Variants in WDPCP observed in about 807,000 individuals in gnomAD.
WDPCP encodes WD repeat-containing and planar cell polarity effector protein fritz homolog.
A neutral mutation model predicts 93.1 loss-of-function variants in WDPCP; 71 were observed. The ratio of observed to expected loss-of-function variants is 0.76; its 90% CI spans 0.63 to 0.93. The LOEUF (loss-of-function observed/expected upper bound fraction) is 0.93. Among genes scored for constraint, WDPCP ranks in the 40% least tolerant of loss-of-function variants. WDPCP has a pLI of 0.00. For missense variants in WDPCP, 844 were observed against 887.4 expected (o/e 0.95, Z 0.62); for synonymous variants, 315 against 315.0 (o/e 1.00, Z 0.00).
At chr2:63,271,954 A>C (rs531668413) in intron 13 of WDPCP, among the ~76,000 whole-genome samples, 1 of 151,946 alleles carries the variant, frequency 6.6e-6, no homozygotes, top group African/African-American at 2.4e-5. Flanking sequence ...CATTGCTAAC[A>C]TCATACATGC....
chr2:63,723,688 C>T (rs1669460325), intron 2 of WDPCP, among the ~76,000 whole-genome samples: 2 of 152,174 alleles, frequency 1.3e-5, no homozygotes, highest in African/African-American at 4.8e-5. Flanking sequence ...ATGAGTGACA[C>T]CTCTGGCCCC....
intron 1 of WDPCP, among the ~76,000 whole-genome samples, chr2:63,493,184 A>T (rs1446801811): frequency 6.6e-6 from 1 of 152,206 alleles, no homozygotes; most frequent in Non-Finnish European, 1.5e-5. Context: ...TGTGGTAAGA[A>T]GAATATATAT....
intron 2 of WDPCP, among the ~76,000 whole-genome samples, chr2:63,680,176 A>G (rs1246926401): frequency 6.6e-6 from 1 of 152,270 alleles, no homozygotes; most frequent in Non-Finnish European, 1.5e-5. Context: ...AAATTGAACA[A>G]CTATCTATAC....
At chr2:63,655,656 T>A (rs552643262) in intron 2 of WDPCP, among the ~76,000 whole-genome samples, 1 of 152,334 alleles carries the variant, frequency 6.6e-6, no homozygotes, top group South Asian at 2.1e-4. Flanking sequence ...TATTAGCTTT[T>A]GTGCATCCTT....
At chr2:63,350,232 T>C (rs570293800) in intron 12 of WDPCP, among the ~76,000 whole-genome samples, 3 of 152,154 alleles carry the variant, frequency 2.0e-5, no homozygotes, top group East Asian at 1.9e-4. Context: ...TAGGTGGGAA[T>C]TGAACAATGG....
intron 12 of WDPCP, among the ~76,000 whole-genome samples, chr2:63,319,842 A>G (rs188546955): frequency 6.6e-6 from 1 of 152,342 alleles, no homozygotes; most frequent in East Asian, 1.9e-4. Context: ...CTACAAAATT[A>G]TATTATGTAG....
At chr2:63,660,049 A>G (rs1477267020) in intron 2 of WDPCP, among the ~76,000 whole-genome samples, 1 of 152,218 alleles carries the variant, frequency 6.6e-6, no homozygotes, top group South Asian at 2.1e-4. Context: ...AAGATCCACT[A>G]AAGTATTTTT....
At chr2:63,537,053 C>T (rs1558774442) in intron 1 of WDPCP, among the ~76,000 whole-genome samples, 1 of 152,146 alleles carries the variant, frequency 6.6e-6, no homozygotes, top group Non-Finnish European at 1.5e-5. Flanking sequence ...GGAGCCTGAG[C>T]TGTGGAGCCC....
At chr2:63,320,775 CAAAAATTAGT>C (rs55966134) in intron 12 of WDPCP, among the ~76,000 whole-genome samples, 121,259 of 151,420 alleles carry the variant, frequency 0.8, 49,404 homozygotes, top group East Asian at 0.96. Flanking sequence ...AGTGAAGAAA[CAAAAATTAGT>C]AAAAATTAGT....
intron 1 of WDPCP, among the ~76,000 whole-genome samples, chr2:63,585,830 ATTTTC>A (rs896479450): frequency 1.5e-5 from 2 of 133,240 alleles, no homozygotes; most frequent in African/African-American, 5.6e-5. Flanking sequence ...AGGTTAAATA[ATTTTC>A]TTTTTTTTTT....
intron 7 of WDPCP, among the ~76,000 whole-genome samples, chr2:63,438,518 A>C (rs981184168): frequency 2.0e-5 from 3 of 152,102 alleles, no homozygotes; most frequent in African/African-American, 7.2e-5. Flanking sequence ...AATATAACAA[A>C]ATCATCACAG....
At chr2:63,147,840 G>T (rs1034112633) in intron 17 of WDPCP, among the ~76,000 whole-genome samples, 14 of 151,922 alleles carry the variant, frequency 9.2e-5, no homozygotes, top group African/African-American at 3.4e-4. Context: ...GTGGTGGCAC[G>T]TGCCTGTTAT....
chr2:63,732,604 T>C (rs1368514434), intron 2 of WDPCP, among the ~76,000 whole-genome samples: 1 of 151,988 alleles, frequency 6.6e-6, no homozygotes, highest in Admixed American at 6.5e-5. Context: ...CTACAAGAAA[T>C]AAAGGAATAA....
At chr2:63,289,619 A>G (rs1684252622) in intron 13 of WDPCP, among the ~76,000 whole-genome samples, 1 of 152,040 alleles carries the variant, frequency 6.6e-6, no homozygotes, top group African/African-American at 2.4e-5. Context: ...TGCCATGTAG[A>G]TTTGAAAAGA....
intron 2 of WDPCP, among the ~76,000 whole-genome samples, chr2:63,730,885 A>ACTTTTG (rs1169878213): frequency 6.6e-6 from 1 of 151,968 alleles, no homozygotes; most frequent in Non-Finnish European, 1.5e-5. Flanking sequence ...AGTTGGCTGG[A>ACTTTTG]CTCACCTTTT....
intron 1 of WDPCP, among the ~76,000 whole-genome samples, chr2:63,502,417 T>G (rs762981908): frequency 6.6e-6 from 1 of 152,238 alleles, no homozygotes; most frequent in Non-Finnish European, 1.5e-5. Context: ...CCAAAATGAT[T>G]GGTAAATTTA....
chr2:63,630,403 T>A (rs2106634174), intron 3 of WDPCP, among the ~76,000 whole-genome samples: 1 of 152,146 alleles, frequency 6.6e-6, no homozygotes, highest in Non-Finnish European at 1.5e-5. Context: ...ACTTCAAATA[T>A]AATGATAGAG....
At chr2:63,561,332 G>A (rs190554565) in intron 1 of WDPCP, among the ~76,000 whole-genome samples, 212 of 152,154 alleles carry the variant, frequency 1.4e-3, no homozygotes, top group African/African-American at 4.7e-3. Context: ...CAAAAAACCA[G>A]CTGGGCGTGG....
intron 6 of WDPCP, among the ~76,000 whole-genome samples, chr2:63,477,100 T>C (rs1404292891): frequency 1.3e-5 from 2 of 152,130 alleles, no homozygotes; most frequent in African/African-American, 4.8e-5. Flanking sequence ...TGAAGTTACA[T>C]CTATACTTAA....
Sources: gnomAD v4.1 joint callset for allele counts (sites outside exome capture counted in the v4.1 genomes callset) on GRCh38, gnomAD v4.1.1 for gene constraint, MANE v1.5 for transcripts, NCBI Gene and HGNC (gene_info 2026-07-23, HGNC 2026-07-21) for gene names.